The following ESR1 variants were observed in gnomAD, a reference collection of about 807,000 sequenced individuals.
ESR1 encodes the protein estrogen receptor 1, also known as estrogen receptor.
Under a neutral mutation model 52.7 loss-of-function variants are expected in ESR1, and 12 were observed. That is an observed-to-expected ratio of 0.23 (90% CI 0.15 to 0.37). The LOEUF (loss-of-function observed/expected upper bound fraction) is 0.37, where lower values mean the gene tolerates loss of function less well. Ranked by LOEUF, ESR1 falls within the 10% of genes least tolerant of loss-of-function variation. The pLI, the probability that ESR1 is intolerant of heterozygous loss-of-function variation, is 1.00. For synonymous variants in ESR1, 305 were observed against 316.8 expected, an observed-to-expected ratio of 0.96 and a Z score of 0.39; for missense variants, 584 against 779.7, an observed-to-expected ratio of 0.75 and a Z score of 2.99.
intron 2 of ESR1, among the ~76,000 whole-genome samples, chr6:151,780,949 C>T (rs1016221143): frequency 9.9e-5 from 15 of 152,154 alleles, no homozygotes; most frequent in East Asian, 3.8e-4. Context: ...TTAAATACAA[C>T]GGGCTTTAAA....
chr6:152,128,565 A>G (rs915076665), exon 7 of ESR1: 3 of 152,256 alleles, frequency 2.0e-5, no homozygotes, highest in Non-Finnish European at 2.9e-5. Flanking sequence ...ATCTGACTTT[A>G]AACAACAACA....
rs386408969 is a variant in ESR1, at chr6:151,853,169, C to CAAAAA, written c.643+10407_643+10411dup. ...CCTGGCGACAGAGTGAGACTCGTCTCAAAAAAAAAAAAAAAAAAAAAAAAA... is the reference window on the plus strand; with the variant it reads ...CCTGGCGACAGAGTGAGACTCGTCTCAAAAAAAAAAAAAAAAAAAAAAAAAAAAAA... On this transcript the variant is annotated intron_variant, in intron 2 of 7. Transcript: ENST00000206249. Among the ~76,000 whole-genome samples, 147 of 42,906 alleles carry CAAAAA rather than the reference C, an allele frequency of 3.4e-3. 1 individual carries two copies. The highest frequency in any genetic ancestry group is 3.5e-3 in the Non-Finnish European group (88 of 25,454). The allele number at this position is 42,906 out of a possible 152,430, so 28.1% of individuals were successfully genotyped here. A position where few individuals can be genotyped will look rare whatever the true frequency, so the allele number is the denominator to read the frequency against.
chr6:151,902,160 C>T (rs778655040), intron 3 of ESR1, among the ~76,000 whole-genome samples: 10 of 152,178 alleles, frequency 6.6e-5, no homozygotes, highest in Non-Finnish European at 1.2e-4. Context: ...CTGACCACAA[C>T]ATCCAGGCAA....
chr6:151,880,417 G>C (rs12207459), intron 2 of ESR1, among the ~76,000 whole-genome samples: 1 of 151,874 alleles, frequency 6.6e-6, no homozygotes, highest in Non-Finnish European at 1.5e-5. Flanking sequence ...TCCTGACGTC[G>C]TGATCCACCT....
Position 152,003,338 on chromosome 6 carries a change from TTATGTG to T in ESR1, c.1097-8316_1097-8311del, listed in dbSNP as rs1166314338. ...GTTAAATGGAGGGAAAAAAGGGTAA[TTATGTG>T]TGTGTGTGTGTGTGTGTGTGTGTGT... On this transcript the variant is annotated intron_variant, in intron 4 of 7. Coordinates refer to ENST00000206249, the MANE Select transcript of ESR1 (RefSeq NM_000125.4). 1.0e-4 allele frequency among the ~76,000 whole-genome samples: 13 copies of T among 128,692 alleles called. 1 individual carries two copies. In the South Asian group the frequency reaches 2.8e-3, roughly 27 times the overall value. 84.4% of individuals were successfully genotyped at this position (128,692 alleles called of 152,430 possible).
chr6:151,835,924 T>A (rs1783256041), intron 1 of ESR1, among the ~76,000 whole-genome samples: 1 of 152,220 alleles, frequency 6.6e-6, no homozygotes, highest in Non-Finnish European at 1.5e-5. Flanking sequence ...CAAACAGGTT[T>A]ATGATCCAAA....
In ESR1 at chr6:152,058,393, A is replaced by T. The variant is rs1210227599; in HGVS notation, c.1236-2598A>T. 2.6e-5 allele frequency among the ~76,000 whole-genome samples: 4 copies of T among 152,164 alleles called. No individual in the cohort carries two copies. The East Asian group carries it at 5.8e-4, about 22-fold the overall frequency. On this transcript the variant is annotated intron_variant, in intron 5 of 7. Coordinates refer to ENST00000206249, the MANE Select transcript of ESR1 (RefSeq NM_000125.4). ...CATCCAGATTTTCAAAGTCAAAGCA[A>T]AATGCGCATGGCAGTTTTTTTCTGA... is the stretch of plus-strand genomic sequence containing the variant.
chr6:152,097,509 TC>T (rs1486975200), intron 7 of ESR1, among the ~76,000 whole-genome samples: 1 of 152,196 alleles, frequency 6.6e-6, no homozygotes, highest in Non-Finnish European at 1.5e-5. Flanking sequence ...AGCTGAATTT[TC>T]CCCTACTAAA....
At chr6:151,729,177 C>T (rs1782060300) in intron 2 of ESR1, among the ~76,000 whole-genome samples, 1 of 152,104 alleles carries the variant, frequency 6.6e-6, no homozygotes, top group Non-Finnish European at 1.5e-5. Flanking sequence ...GATTAGTGCC[C>T]TCAGCAAAGA....
intron 2 of ESR1, among the ~76,000 whole-genome samples, chr6:151,751,322 T>C (rs73780858): frequency 0.04 from 6,132 of 152,304 alleles, 383 homozygotes; most frequent in African/African-American, 0.14. Flanking sequence ...GCAATTCATT[T>C]ATTATCTGTT....
intron 4 of ESR1, among the ~76,000 whole-genome samples, chr6:151,993,509 G>A (rs2041212510): frequency 6.6e-6 from 1 of 152,172 alleles, no homozygotes. Flanking sequence ...GTCAAGGAAA[G>A]GACCAGAGGA....
chr6:151,986,818 A>G (rs78676004), intron 4 of ESR1, among the ~76,000 whole-genome samples: 1,791 of 152,246 alleles, frequency 0.012, 47 homozygotes, highest in African/African-American at 0.041. Flanking sequence ...GTTAAAGAAT[A>G]TGAATCATTT....
chr6:151,941,768 TCTGA>T (rs531652713), intron 3 of ESR1, among the ~76,000 whole-genome samples: 210 of 152,314 alleles, frequency 1.4e-3, no homozygotes, highest in African/African-American at 4.9e-3. Context: ...TGTCGTCAGC[TCTGA>T]CTATTACAAA....
At chr6:151,858,663 T>C (rs1277917362) in intron 2 of ESR1, among the ~76,000 whole-genome samples, 3 of 151,754 alleles carry the variant, frequency 2.0e-5, no homozygotes, top group Non-Finnish European at 4.4e-5. Context: ...CCCTGAGGAG[T>C]TTAGCTTTGT....
chr6:152,001,289 G>T (rs1685227820), intron 4 of ESR1, among the ~76,000 whole-genome samples: 1 of 151,996 alleles, frequency 6.6e-6, no homozygotes, highest in Non-Finnish European at 1.5e-5. Flanking sequence ...CCTTTAATGA[G>T]GGCCTCATGC....
chr6:151,958,887 C>T (rs1268561859), intron 4 of ESR1, among the ~76,000 whole-genome samples: 1 of 152,134 alleles, frequency 6.6e-6, no homozygotes, highest in African/African-American at 2.4e-5. Context: ...GTTTTTGCAT[C>T]ACTTCTCTTT....
intron 5 of ESR1, among the ~76,000 whole-genome samples, chr6:152,043,805 G>C (rs2046000785): frequency 6.6e-6 from 1 of 152,276 alleles, no homozygotes; most frequent in South Asian, 2.1e-4. Flanking sequence ...CCCATTCCAA[G>C]TTGCAGGGTA....
At chr6:152,022,574 T>C (rs1397672386) in intron 5 of ESR1, among the ~76,000 whole-genome samples, 1 of 152,138 alleles carries the variant, frequency 6.6e-6, no homozygotes, top group Admixed American at 6.6e-5. Flanking sequence ...AGGCTGACTT[T>C]TCAGGGTTTT....
At chr6:151,857,491 A>C (rs1025430384) in intron 2 of ESR1, among the ~76,000 whole-genome samples, 1 of 150,004 alleles carries the variant, frequency 6.7e-6, no homozygotes, top group Non-Finnish European at 1.5e-5. Flanking sequence ...ACACCCACCC[A>C]CCCACACACA....
Sources: gnomAD v4.1 joint callset for allele counts (sites outside exome capture counted in the v4.1 genomes callset) on GRCh38, gnomAD v4.1.1 for gene constraint, MANE v1.5 for transcripts, NCBI Gene and HGNC (gene_info 2026-07-23, HGNC 2026-07-21) for gene names.